Variants in TOX observed in about 807,000 individuals in gnomAD.
The protein encoded by TOX is thymocyte selection associated high mobility group box.
A neutral mutation model predicts 53.7 loss-of-function variants in TOX; 11 were observed. The ratio of observed to expected loss-of-function variants is 0.20; its 90% CI spans 0.13 to 0.34. TOX has a LOEUF of 0.34. TOX is among the 10% of genes least tolerant of loss of function. The probability of loss-of-function intolerance (pLI) is 1.00; values close to 1 mark genes in which losing one functional copy is unlikely to be tolerated. For missense variants in TOX, 570 were observed against 664.6 expected, an observed-to-expected ratio of 0.86 and a Z score of 1.56; for synonymous variants, 225 against 245.3, an observed-to-expected ratio of 0.92 and a Z score of 0.77.
chr8:58,828,998 C>T (rs943740755), intron 5 of TOX, among the ~76,000 whole-genome samples: 5 of 152,246 alleles, frequency 3.3e-5, no homozygotes, highest in African/African-American at 1.2e-4. Flanking sequence ...ATTCAGCTAA[C>T]TAGGATGCGT....
At chr8:58,953,918 A>C (rs956144841) in intron 2 of TOX, among the ~76,000 whole-genome samples, 16 of 151,954 alleles carry the variant, frequency 1.1e-4, no homozygotes, top group African/African-American at 3.9e-4. Flanking sequence ...GTCATACCTC[A>C]TTTATACTCT....
chr8:58,858,676 C>T (rs1222208987), intron 3 of TOX, among the ~76,000 whole-genome samples: 2 of 152,198 alleles, frequency 1.3e-5, no homozygotes, highest in East Asian at 3.9e-4. Context: ...ACACCCTGAG[C>T]TGTGGAGTGC....
chr8:59,082,243 C>T (rs1032041736), intron 1 of TOX, among the ~76,000 whole-genome samples: 11 of 152,120 alleles, frequency 7.2e-5, no homozygotes, highest in Non-Finnish European at 1.5e-4. Context: ...CCACTAATGC[C>T]TTAAAGTTTG....
chr8:58,976,003 C>T (rs892436342), intron 1 of TOX, among the ~76,000 whole-genome samples: 1 of 151,830 alleles, frequency 6.6e-6, no homozygotes, highest in Non-Finnish European at 1.5e-5. Context: ...ACCTGGGACA[C>T]GGAGGTTGCA....
intron 1 of TOX, among the ~76,000 whole-genome samples, chr8:58,964,864 GGTGTGTGTGT>G (rs34469462): frequency 6.8e-6 from 1 of 148,142 alleles, no homozygotes; most frequent in African/African-American, 2.5e-5. Flanking sequence ...ATTTGTAGCT[GGTGTGTGTGT>G]GTGTGTGTGT....
intron 1 of TOX, among the ~76,000 whole-genome samples, chr8:58,994,191 T>A (rs761826056): frequency 3.7e-4 from 57 of 152,290 alleles, no homozygotes; most frequent in Non-Finnish European, 3.5e-4. Context: ...TCTAGAAAAG[T>A]CTGCATGGAG....
chr8:58,907,152 T>A (rs1333179012), intron 3 of TOX, among the ~76,000 whole-genome samples: 1 of 152,162 alleles, frequency 6.6e-6, no homozygotes, highest in Non-Finnish European at 1.5e-5. Flanking sequence ...GCCACCTACA[T>A]CTAAGGCACT....
intron 3 of TOX, among the ~76,000 whole-genome samples, chr8:58,871,301 G>T (rs1178221891): frequency 6.6e-6 from 1 of 151,940 alleles, no homozygotes; most frequent in African/African-American, 2.4e-5. Flanking sequence ...TTTTAGGGTG[G>T]TATTATTCCG....
intron 1 of TOX, among the ~76,000 whole-genome samples, chr8:59,038,997 A>T (rs1337568497): frequency 6.6e-6 from 1 of 152,230 alleles, no homozygotes; most frequent in Non-Finnish European, 1.5e-5. Flanking sequence ...GGCCTCAGGC[A>T]AAGGCACTTA....
intron 3 of TOX, among the ~76,000 whole-genome samples, chr8:58,869,059 T>C (rs1055617218): frequency 3.3e-5 from 5 of 151,888 alleles, no homozygotes; most frequent in Admixed American, 3.3e-4. Flanking sequence ...AAACCCCGTC[T>C]CTACTAAAAT....
chr8:59,089,978 G>A (rs1212690580), intron 1 of TOX, among the ~76,000 whole-genome samples: 3 of 152,208 alleles, frequency 2.0e-5, no homozygotes, highest in African/African-American at 7.2e-5. Context: ...TCAGACTGAA[G>A]GCCCCATCAG....
At chr8:59,051,551 G>A (rs1203337212) in intron 1 of TOX, among the ~76,000 whole-genome samples, 5 of 152,034 alleles carry the variant, frequency 3.3e-5, no homozygotes, top group African/African-American at 9.7e-5. Context: ...ATTTATGGGA[G>A]TCTATTATAT....
intron 1 of TOX, among the ~76,000 whole-genome samples, chr8:58,976,035 G>A (rs757826310): frequency 4.0e-5 from 6 of 151,586 alleles, no homozygotes; most frequent in Non-Finnish European, 8.8e-5. Context: ...TTGCACCACT[G>A]CACTCTAGCC....
intron 6 of TOX, among the ~76,000 whole-genome samples, chr8:58,817,592 T>C (rs544050226): frequency 6.6e-6 from 1 of 152,266 alleles, no homozygotes; most frequent in Admixed American, 6.5e-5. Context: ...GCCAGAAAGA[T>C]TATGTGTTAA....
intron 1 of TOX, among the ~76,000 whole-genome samples, chr8:59,060,402 C>A (rs1803961636): frequency 6.6e-6 from 1 of 152,174 alleles, no homozygotes; most frequent in Admixed American, 6.5e-5. Flanking sequence ...CCAAGGCGGG[C>A]AGATCACGAG....
At chr8:58,838,031 C>A in intron 5 of TOX, 50 bp downstream of exon 5, 1 of 1,571,622 alleles carries the variant, frequency 6.4e-7, no homozygotes, top group Non-Finnish European at 8.7e-7. Flanking sequence ...TTTCTTCAGA[C>A]TGCACAATCT....
chr8:58,878,329 T>G (rs1023475420), intron 3 of TOX, among the ~76,000 whole-genome samples: 2 of 152,194 alleles, frequency 1.3e-5, no homozygotes, highest in African/African-American at 4.8e-5. Flanking sequence ...GTAATATGCT[T>G]CTATAGCATA....
chr8:58,928,100 G>A (rs1296839193), intron 3 of TOX, among the ~76,000 whole-genome samples: 1 of 152,212 alleles, frequency 6.6e-6, no homozygotes, highest in African/African-American at 2.4e-5. Flanking sequence ...TAACCCAAGT[G>A]AATGATCAGT....
intron 8 of TOX, 39 bp downstream of exon 8, chr8:58,808,079 G>A: frequency 6.3e-7 from 1 of 1,588,854 alleles, no homozygotes; most frequent in Non-Finnish European, 8.6e-7. Flanking sequence ...CATGCTATGA[G>A]CGCTGTCCAC....
Sources: gnomAD v4.1 joint callset for allele counts (sites outside exome capture counted in the v4.1 genomes callset) on GRCh38, gnomAD v4.1.1 for gene constraint, MANE v1.5 for transcripts, NCBI Gene and HGNC (gene_info 2026-07-23, HGNC 2026-07-21) for gene names.